PTPN9: variants seen among roughly 807,000 people sequenced by gnomAD.
PTPN9 encodes the protein tyrosine-protein phosphatase non-receptor type 9.
PTPN9 carries 26 observed loss-of-function variants against 69.8 expected under a neutral mutation model. That is an observed-to-expected ratio of 0.37 (90% CI 0.27 to 0.52). The LOEUF (loss-of-function observed/expected upper bound fraction) is 0.52, where lower values mean the gene tolerates loss of function less well. Among genes scored for constraint, PTPN9 ranks in the 20% least tolerant of loss-of-function variants. PTPN9 has a pLI of 0.91. For missense variants in PTPN9, 549 were observed against 740.3 expected (o/e 0.74, Z 3.00); for synonymous variants, 274 against 272.5 (o/e 1.01, Z -0.05).
At chr15:75,541,893 C>G (rs1440853977) in intron 1 of PTPN9, among the ~76,000 whole-genome samples, 1 of 151,362 alleles carries the variant, frequency 6.6e-6, no homozygotes, top group East Asian at 2.0e-4. Context: ...CAAAAATTAG[C>G]TGGGAGTGGT....
At chr15:75,489,174 C>CAAAA (rs35540489) in intron 8 of PTPN9, among the ~76,000 whole-genome samples, 6 of 64,220 alleles carry the variant, frequency 9.3e-5, no homozygotes, top group Admixed American at 3.8e-4. Flanking sequence ...GACTCCGTCT[C>CAAAA]AAAAAAAAAA....
chr15:75,530,211 A>G (rs1167714697), intron 1 of PTPN9, among the ~76,000 whole-genome samples: 1 of 143,902 alleles, frequency 6.9e-6, no homozygotes, highest in Non-Finnish European at 1.5e-5. Flanking sequence ...AAAAAAAAAA[A>G]AAAAAAAGAA....
At chr15:75,486,784 T>G (rs1304708892) in intron 8 of PTPN9, among the ~76,000 whole-genome samples, 168 of 147,960 alleles carry the variant, frequency 1.1e-3, no homozygotes, top group African/African-American at 4.0e-3. Flanking sequence ...ATGTGGTGTT[T>G]TTTTTTTTTT....
intron 9 of PTPN9, among the ~76,000 whole-genome samples, chr15:75,477,779 A>G: frequency 6.6e-6 from 1 of 151,682 alleles, no homozygotes; most frequent in East Asian, 1.9e-4. Flanking sequence ...AATTGTCTCA[A>G]TAGTTTGTCT....
At chr15:75,559,783 A>G (rs113085971) in intron 1 of PTPN9, among the ~76,000 whole-genome samples, 23 of 142,544 alleles carry the variant, frequency 1.6e-4, no homozygotes, top group Non-Finnish European at 2.6e-4. Flanking sequence ...AAAAAAAAAA[A>G]AAGAAGAAAG....
At position 75,530,534 on chromosome 15, in the gene PTPN9, A is replaced by T. The variant is rs1449238715; in HGVS notation, c.64-3273T>A. Among the ~76,000 whole-genome samples, 58 of 39,970 alleles carry T rather than the reference A, an allele frequency of 1.5e-3. 1 individual carries two copies. Among genetic ancestry groups the T allele is most frequent in the African/African-American group, 0.011 (53 of 5,006 alleles). The allele number at this position is 39,970 out of a possible 152,430, so 26.2% of individuals were successfully genotyped here. A position where few individuals can be genotyped will look rare whatever the true frequency, so the allele number is the denominator to read the frequency against. On this transcript the variant is annotated intron_variant, in intron 1 of 12. Coordinates refer to ENST00000618819, the MANE Select transcript of PTPN9 (RefSeq NM_002833.4). ...ATATTATAATATAATTTATTATATA[A>T]TATTATTATATTATAATATATTATA...
chr15:75,533,442 G>A (rs1476230184), intron 1 of PTPN9, among the ~76,000 whole-genome samples: 1 of 151,950 alleles, frequency 6.6e-6, no homozygotes, highest in African/African-American at 2.4e-5. Context: ...GCATTTTTTA[G>A]TAGAGATGGG....
intron 1 of PTPN9, 43 bp from the exon 2 acceptor site, chr15:75,527,304 A>T (rs74026512): frequency 1.2e-6 from 2 of 1,601,442 alleles, no homozygotes; most frequent in Non-Finnish European, 1.7e-6. Flanking sequence ...AGAAGAGAGC[A>T]TATTTATGGA....
chr15:75,571,381 G>A (rs1000396805), intron 1 of PTPN9, among the ~76,000 whole-genome samples: 4 of 152,054 alleles, frequency 2.6e-5, no homozygotes, highest in African/African-American at 9.7e-5. Flanking sequence ...TCACAACATT[G>A]TAAGGTCTAA....
At chr15:75,504,445 C>T in intron 7 of PTPN9, among the ~76,000 whole-genome samples, 1 of 137,700 alleles carries the variant, frequency 7.3e-6, no homozygotes. Flanking sequence ...GGATCAGCCC[C>T]CCGCCCGGCC....
At chr15:75,572,337 CAA>C in intron 1 of PTPN9, among the ~76,000 whole-genome samples, 1 of 151,984 alleles carries the variant, frequency 6.6e-6, no homozygotes, top group Non-Finnish European at 1.5e-5. Context: ...TCTCAAAACA[CAA>C]TAACATAATG....
At chr15:75,537,657 A>C (rs893461636) in intron 1 of PTPN9, among the ~76,000 whole-genome samples, 1 of 148,022 alleles carries the variant, frequency 6.8e-6, no homozygotes, top group African/African-American at 2.5e-5. Flanking sequence ...CGGGAGGCTG[A>C]GGCAGGAGAA....
rs1401207981 is a variant in PTPN9 at position 75,465,153 on chromosome 15, G to C, written c.*3616C>G. 1 of 152,072 alleles carries C rather than the reference G, an allele frequency of 6.6e-6. No homozygotes were observed. Among genetic ancestry groups the C allele is most frequent in the Non-Finnish European group, 1.5e-5 (1 of 68,032 alleles). 9.4% of individuals were successfully genotyped at this position (152,072 alleles called of 1,614,324 possible). A position where few individuals can be genotyped will look rare whatever the true frequency, so the allele number is the denominator to read the frequency against. ...AGTTTTACTCTTGTTGCCCAGGCTA[G>C]AGTGCAATGGCGCGATCTCGGCTCA... On this transcript the variant is annotated 3_prime_UTR_variant, in exon 13 of 13. Transcript: ENST00000618819.
chr15:75,541,022 T>C (rs781743525), intron 1 of PTPN9, among the ~76,000 whole-genome samples: 12 of 151,900 alleles, frequency 7.9e-5, no homozygotes, highest in Non-Finnish European at 1.5e-4. Flanking sequence ...CAGGCTGCAG[T>C]GAGCTGTGAT....
At chr15:75,538,472 A>G (rs1167116717) in intron 1 of PTPN9, among the ~76,000 whole-genome samples, 1 of 152,152 alleles carries the variant, frequency 6.6e-6, no homozygotes, top group Non-Finnish European at 1.5e-5. Context: ...CGAAGTGGGC[A>G]GACTGCTTGA....
intron 7 of PTPN9, among the ~76,000 whole-genome samples, chr15:75,503,573 CG>C (rs2074788882): frequency 1.0e-5 from 1 of 100,418 alleles, no homozygotes; most frequent in Admixed American, 1.0e-4. Context: ...CCCGGCCAGC[CG>C]CTCCGTCCGG....
Position 75,468,815 on chromosome 15 carries a change from C to T in PTPN9, c.1736G>A (p.Gly579Asp). The T allele has an allele frequency of 1.2e-6, 2 of 1,614,128 alleles. No individual in the cohort carries two copies. Among genetic ancestry groups the T allele is most frequent in the Admixed American group, 1.7e-5 (1 of 60,014 alleles). The change falls in exon 13 of 13, where the codon GGC (glycine) becomes GAC (aspartate). Residue 579 changes from glycine (G) to aspartate (D), a missense_variant. Gly to Asp is a moderately conservative substitution (Grantham distance 94). Around this residue, in one of 3 missense-constraint regions of PTPN9, gnomAD observed 30 missense variants for 24.8 expected, o/e 1.21. Coordinates refer to ENST00000618819, the MANE Select transcript of PTPN9 (RefSeq NM_002833.4). ...CAGGTTTTGGCCAGAGGATACCATG[C>T]CCTCCTTCTCTGCGAACTCCAGGAT... The part of the protein sequence containing the change: ...KAILEFAEKE[G>D]MVSSGQNLLA...
chr15:75,501,816 G>A (rs2074774212), intron 7 of PTPN9, among the ~76,000 whole-genome samples: 1 of 152,090 alleles, frequency 6.6e-6, no homozygotes, highest in African/African-American at 2.4e-5. Flanking sequence ...AGAGATTTCT[G>A]GGGCAGCCAA....
At chr15:75,533,540 C>T (rs1475899470) in intron 1 of PTPN9, among the ~76,000 whole-genome samples, 1 of 152,152 alleles carries the variant, frequency 6.6e-6, no homozygotes, top group Non-Finnish European at 1.5e-5. Context: ...GAATTACAGG[C>T]ATGAGCCACC....
Sources: allele counts gnomAD v4.1 joint callset (sites outside exome capture counted in the v4.1 genomes callset), GRCh38; gene constraint gnomAD v4.1.1; regional missense constraint gnomAD v4.1.1; transcripts MANE v1.5; gene names NCBI Gene and HGNC (gene_info 2026-07-23, HGNC 2026-07-21).